Variants in MACROD2 observed in about 807,000 individuals in gnomAD.
MACROD2 encodes the protein ADP-ribose glycohydrolase MACROD2.
Under a neutral mutation model 70.4 loss-of-function variants are expected in MACROD2, and 36 were observed. The ratio of observed to expected loss-of-function variants is 0.51; its 90% CI spans 0.39 to 0.68. The LOEUF (loss-of-function observed/expected upper bound fraction) is 0.68. Ranked by LOEUF, MACROD2 falls within the 30% of genes least tolerant of loss-of-function variation. MACROD2 has a pLI of 0.00. For synonymous variants in MACROD2, 172 were observed against 178.8 expected, an observed-to-expected ratio of 0.96 and a Z score of 0.30; for missense variants, 496 against 538.4, an observed-to-expected ratio of 0.92 and a Z score of 0.78.
chr20:14,886,425 T>C (rs1419613316), intron 5 of MACROD2, among the ~76,000 whole-genome samples: 1 of 152,088 alleles, frequency 6.6e-6, no homozygotes, highest in Non-Finnish European at 1.5e-5. Flanking sequence ...TTGGCTTTGG[T>C]CATAAGTAAG....
At chr20:14,678,146 C>G (rs1274351352) in intron 4 of MACROD2, among the ~76,000 whole-genome samples, 1 of 152,144 alleles carries the variant, frequency 6.6e-6, no homozygotes, top group East Asian at 1.9e-4. Context: ...TGCACCATCT[C>G]CTGGGTCATT....
At chr20:15,765,329 T>G (rs1477236258) in intron 8 of MACROD2, among the ~76,000 whole-genome samples, 1 of 152,218 alleles carries the variant, frequency 6.6e-6, no homozygotes, top group Non-Finnish European at 1.5e-5. Context: ...CTGCTGAAAT[T>G]TATAATTCTA....
In MACROD2 at chr20:15,664,157, A is replaced by C. The variant is rs1163125168; in HGVS notation, c.645+164310A>C. ...GCTTGAGTCTGCACCTAGATTAAGTAGTTGTAACTTTCTAATAAATGTGGC... is the reference window on the plus strand; with the variant it reads ...GCTTGAGTCTGCACCTAGATTAAGTCGTTGTAACTTTCTAATAAATGTGGC... On this transcript the variant is annotated intron_variant, in intron 8 of 17. Coordinates refer to ENST00000684519, the MANE Select transcript of MACROD2 (RefSeq NM_001351661.2). Among the ~76,000 whole-genome samples, 7 of 152,238 alleles carry C rather than the reference A, an allele frequency of 4.6e-5. 1 individual carries two copies. The highest frequency in any genetic ancestry group is 2.0e-4 in the Admixed American group (3 of 15,288).
intron 2 of MACROD2, among the ~76,000 whole-genome samples, chr20:14,080,171 C>T (rs771887678): frequency 3.3e-5 from 5 of 151,988 alleles, no homozygotes; most frequent in South Asian, 2.1e-4. Context: ...AGGTCAGGCA[C>T]GGTGGCTCAC....
At chr20:14,202,969 C>A (rs2081491960) in intron 3 of MACROD2, among the ~76,000 whole-genome samples, 1 of 152,082 alleles carries the variant, frequency 6.6e-6, no homozygotes. Flanking sequence ...ATCACTTAAA[C>A]CCATGAGGTG....
chr20:15,143,945 TA>T (rs3070269), intron 5 of MACROD2, among the ~76,000 whole-genome samples: 12 of 131,942 alleles, frequency 9.1e-5, no homozygotes, highest in African/African-American at 1.7e-4. Flanking sequence ...GCTGATGAGC[TA>T]AAAAAAAAAA....
In MACROD2 at chr20:14,623,172, TACAG is replaced by T. The variant is rs759027910; in HGVS notation, c.302-61670_302-61667del. Among the ~76,000 whole-genome samples the T allele has an allele frequency of 1.7e-3, 252 of 152,246 alleles. 2 individuals are homozygous for T. Among genetic ancestry groups the T allele is most frequent in the Admixed American group, 1.1e-3 (17 of 15,278 alleles). Reference sequence around the variant, plus strand: ...GCTGAGACCTGTGTTACAACTGAATTACAGTTTTTTTTGTTTTTTTTTTCTCAAC... The same window carrying T: ...GCTGAGACCTGTGTTACAACTGAATTTTTTTTTTGTTTTTTTTTTCTCAAC... On this transcript the variant is annotated intron_variant, in intron 4 of 17. Coordinates refer to ENST00000684519, the MANE Select transcript of MACROD2 (RefSeq NM_001351661.2).
chr20:15,848,961 C>A (rs1446911381), intron 8 of MACROD2, among the ~76,000 whole-genome samples: 2 of 152,158 alleles, frequency 1.3e-5, no homozygotes, highest in Non-Finnish European at 2.9e-5. Flanking sequence ...GTTCCTCTAT[C>A]TGGCATTTAA....
At chr20:14,069,364 C>T (rs756917833) in intron 2 of MACROD2, among the ~76,000 whole-genome samples, 7 of 151,890 alleles carry the variant, frequency 4.6e-5, no homozygotes, top group Non-Finnish European at 1.0e-4. Context: ...AGTACAAGGC[C>T]CACATCCCTG....
At chr20:14,560,036 T>G (rs755989188) in intron 4 of MACROD2, among the ~76,000 whole-genome samples, 3 of 151,818 alleles carry the variant, frequency 2.0e-5, no homozygotes, top group Non-Finnish European at 2.9e-5. Context: ...ATTTACATAT[T>G]TAAGTATTCA....
rs778142501 is a variant in MACROD2, at chr20:15,869,210, CATATATATATAT to C, written c.727+6402_727+6413del. 4.6e-4 allele frequency among the ~76,000 whole-genome samples: 24 copies of C among 51,910 alleles called. 2 individuals carry two copies. The highest frequency in any genetic ancestry group is 1.4e-3 in the African/African-American group (24 of 16,816). The allele number at this position is 51,910 out of a possible 152,430, so 34.1% of individuals were successfully genotyped here. On this transcript the variant is annotated intron_variant, in intron 9 of 17. Coordinates refer to ENST00000684519, the MANE Select transcript of MACROD2 (RefSeq NM_001351661.2). ...GTCAACTTTACTTAAATGTGATTAA[CATATATATATAT>C]ATATATATATATATATAGAGAGAGA...
At chr20:15,724,274 A>C (rs1268748578) in intron 8 of MACROD2, among the ~76,000 whole-genome samples, 1 of 152,098 alleles carries the variant, frequency 6.6e-6, no homozygotes, top group Non-Finnish European at 1.5e-5. Flanking sequence ...TTTGAGTTTT[A>C]TGAAGTTTAG....
At chr20:15,499,753 T>C in intron 7 of MACROD2, 21 bp from the exon 8 acceptor site, 1 of 1,613,108 alleles carries the variant, frequency 6.2e-7, no homozygotes. Context: ...GTTCATTTGT[T>C]TTTTCCTGCT....
At chr20:14,922,707 A>G (rs1317951475) in intron 5 of MACROD2, among the ~76,000 whole-genome samples, 1 of 152,138 alleles carries the variant, frequency 6.6e-6, no homozygotes, top group Non-Finnish European at 1.5e-5. Context: ...ATCAATGTGG[A>G]TGGTACCAGA....
At chr20:15,764,619 G>T (rs1393793651) in intron 8 of MACROD2, among the ~76,000 whole-genome samples, 1 of 152,016 alleles carries the variant, frequency 6.6e-6, no homozygotes, top group Non-Finnish European at 1.5e-5. Flanking sequence ...ATTAAAATAC[G>T]TCTTCTTCCG....
intron 3 of MACROD2, among the ~76,000 whole-genome samples, chr20:14,344,237 A>G (rs2083042621): frequency 6.6e-6 from 1 of 152,250 alleles, no homozygotes; most frequent in Admixed American, 6.5e-5. Context: ...TACTACAATT[A>G]GCATTTATTG....
intron 6 of MACROD2, among the ~76,000 whole-genome samples, chr20:15,260,626 C>G (rs1381468872): frequency 2.0e-5 from 3 of 151,816 alleles, no homozygotes; most frequent in African/African-American, 7.3e-5. Flanking sequence ...TGATTATATA[C>G]CCAGTAGTGG....
chr20:14,572,860 T>C (rs1443402690), intron 4 of MACROD2, among the ~76,000 whole-genome samples: 1 of 150,640 alleles, frequency 6.6e-6, no homozygotes, highest in Non-Finnish European at 1.5e-5. Flanking sequence ...TATTTAAAGA[T>C]ATTTTAACAT....
At chr20:15,289,002 G>T (rs2077517905) in intron 6 of MACROD2, among the ~76,000 whole-genome samples, 1 of 152,104 alleles carries the variant, frequency 6.6e-6, no homozygotes, top group Non-Finnish European at 1.5e-5. Context: ...CAAGGGTCTG[G>T]TTGGTCCAAC....
Sources: allele counts gnomAD v4.1 joint callset (sites outside exome capture counted in the v4.1 genomes callset), GRCh38; gene constraint gnomAD v4.1.1; transcripts MANE v1.5; gene names NCBI Gene and HGNC (gene_info 2026-07-23, HGNC 2026-07-21).